The following ATP13A4 variants were observed in gnomAD, a reference collection of about 807,000 sequenced individuals.
The protein encoded by ATP13A4 is ATPase 13A4, also known as probable cation-transporting ATPase 13A4.
ATP13A4 carries 114 observed loss-of-function variants against 142.5 expected under a neutral mutation model. That is an observed-to-expected ratio of 0.80 (90% confidence interval 0.69 to 0.93). ATP13A4 has a LOEUF of 0.93. Ranked by LOEUF, ATP13A4 falls within the 40% of genes least tolerant of loss-of-function variation. The probability of loss-of-function intolerance (pLI) is 0.00; values close to 1 mark genes in which losing one functional copy is unlikely to be tolerated. For missense variants in ATP13A4, 1,392 were observed against 1,454.0 expected, an observed-to-expected ratio of 0.96 and a Z score of 0.69; for synonymous variants, 488 against 514.8, an observed-to-expected ratio of 0.95 and a Z score of 0.70.
At chr3:193,508,673 G>A (rs1249121461) in intron 2 of ATP13A4, among the ~76,000 whole-genome samples, 1 of 152,186 alleles carries the variant, frequency 6.6e-6, no homozygotes, top group African/African-American at 2.4e-5. Context: ...GTGGTGAGAT[G>A]TCTAATGAAA....
chr3:193,402,919 C>T (rs1714321328), intron 29 of ATP13A4, 55 bp from the exon 30 acceptor site: 2 of 1,478,182 alleles, frequency 1.4e-6, no homozygotes, highest in East Asian at 2.4e-5. Flanking sequence ...TTTGAGGCTA[C>T]AGCCCTCCAC....
chr3:193,487,673 T>C (rs1292255704), intron 7 of ATP13A4, among the ~76,000 whole-genome samples: 1 of 152,204 alleles, frequency 6.6e-6, no homozygotes, highest in African/African-American at 2.4e-5. Flanking sequence ...GCCTAGCTTA[T>C]GACTAGGTAA....
chr3:193,490,113 A>G (rs1719866661), intron 6 of ATP13A4, among the ~76,000 whole-genome samples: 1 of 152,222 alleles, frequency 6.6e-6, no homozygotes, highest in Non-Finnish European at 1.5e-5. Flanking sequence ...TGATAAAGAA[A>G]CTGAAACTTA....
chr3:193,486,311 A>C (rs1409394414), intron 7 of ATP13A4, among the ~76,000 whole-genome samples: 1 of 152,202 alleles, frequency 6.6e-6, no homozygotes, highest in Non-Finnish European at 1.5e-5. Context: ...CATTTTAGTG[A>C]TAAAAGCATG....
At chr3:193,531,716 T>C (rs983872934) in intron 1 of ATP13A4, among the ~76,000 whole-genome samples, 4 of 152,192 alleles carry the variant, frequency 2.6e-5, no homozygotes, top group Non-Finnish European at 5.9e-5. Flanking sequence ...AGGGGTTGCA[T>C]GGATGTACAA....
intron 7 of ATP13A4, among the ~76,000 whole-genome samples, chr3:193,485,363 T>C (rs931204509): frequency 6.6e-6 from 1 of 152,022 alleles, no homozygotes; most frequent in Non-Finnish European, 1.5e-5. Flanking sequence ...CCTTAGAGAG[T>C]GGCCTGAGGA....
chr3:193,474,651 G>C (rs1560214279), intron 8 of ATP13A4, among the ~76,000 whole-genome samples: 1 of 125,110 alleles, frequency 8.0e-6, no homozygotes, highest in Non-Finnish European at 1.7e-5. Context: ...AAGAAAGGAA[G>C]AAAGAAAGAA....
At chr3:193,588,968 C>T (rs112603439) in intron 1 of ATP13A4, among the ~76,000 whole-genome samples, 4,348 of 152,032 alleles carry the variant, frequency 0.029, 189 homozygotes, top group African/African-American at 0.094. Context: ...GGTGAAACCC[C>T]GTCTCTACTA....
At chr3:193,430,861 A>G (rs1429495303) in intron 25 of ATP13A4, among the ~76,000 whole-genome samples, 1 of 152,236 alleles carries the variant, frequency 6.6e-6, no homozygotes, top group East Asian at 1.9e-4. Flanking sequence ...TAAAATTTAT[A>G]TTTAAAAACA....
At chr3:193,492,263 C>T (rs1719984510) in intron 5 of ATP13A4, among the ~76,000 whole-genome samples, 1 of 152,138 alleles carries the variant, frequency 6.6e-6, no homozygotes, top group African/African-American at 2.4e-5. Context: ...GCATGTGAAT[C>T]ATAGAAACTT....
Position 193,483,965 on chromosome 3 carries a change from C to T in ATP13A4, c.779G>A (p.Ser260Asn). Residue 260 changes from serine to asparagine, a missense_variant, in exon 8 of 30, where the codon AGC (serine) becomes AAC (asparagine). Coordinates refer to ENST00000342695, the MANE Select transcript of ATP13A4 (RefSeq NM_032279.4). ...KLHHLVESHN[S>N]ITVSVCGRKA... ...TCTCCCACATACAGAGACCGTAATGCTATTATGTGACTCGACGAGATGGTG... is the reference window on the plus strand; with the variant it reads ...TCTCCCACATACAGAGACCGTAATGTTATTATGTGACTCGACGAGATGGTG... The T allele has an allele frequency of 6.2e-7, 1 of 1,609,328 alleles. No individual in the cohort carries two copies. Among genetic ancestry groups the T allele is most frequent in the Non-Finnish European group, 8.5e-7 (1 of 1,175,924 alleles).
chr3:193,402,640 A>G lies in ATP13A4; in HGVS notation c.*12T>C, dbSNP rs1207879383. On this transcript the variant is annotated 3_prime_UTR_variant, in exon 30 of 30. Transcript: ENST00000342695. ...GTTTCTCTGTAATATCAACTTGGAT[A>G]TCACATGTCCTTCAGAGTTGTTCTT... 1.2e-6 allele frequency: 1 copy of G among 842,336 alleles called. No individual in the cohort carries two copies. Among genetic ancestry groups the G allele is most frequent in the Admixed American group, 1.7e-5 (1 of 59,108 alleles). The allele number at this position is 842,336 out of a possible 1,614,324, so 52.2% of individuals were successfully genotyped here.
At chr3:193,542,546 G>C (rs926046424) in intron 1 of ATP13A4, among the ~76,000 whole-genome samples, 4 of 151,442 alleles carry the variant, frequency 2.6e-5, no homozygotes, top group African/African-American at 9.7e-5. Context: ...AAAGAACAAA[G>C]CTGGAGGCAT....
Position 193,417,985 on chromosome 3 carries a change from A to G in ATP13A4, c.2843-3235T>C, listed in dbSNP as rs1352819998. 2.9e-4 allele frequency among the ~76,000 whole-genome samples: 42 copies of G among 143,746 alleles called. 1 individual carries two copies. The highest frequency in any genetic ancestry group is 6.8e-4 in the South Asian group (3 of 4,428). The allele number at this position is 143,746 out of a possible 152,430, so 94.3% of individuals were successfully genotyped here. A position where few individuals can be genotyped will look rare whatever the true frequency, so the allele number is the denominator to read the frequency against. On this transcript the variant is annotated intron_variant, in intron 25 of 29. Coordinates refer to ENST00000342695, the MANE Select transcript of ATP13A4 (RefSeq NM_032279.4). Reference sequence around the variant, plus strand: ...AAAATACAAAAAATTAGCCGGGCGTAGTGGCGGGCGCCTGTAGTCCCAGCT... The same window carrying G: ...AAAATACAAAAAATTAGCCGGGCGTGGTGGCGGGCGCCTGTAGTCCCAGCT...
At chr3:193,439,306 G>A (rs187227484) in intron 21 of ATP13A4, among the ~76,000 whole-genome samples, 36 of 152,256 alleles carry the variant, frequency 2.4e-4, no homozygotes, top group Admixed American at 1.9e-3. Context: ...CACTGCGTAG[G>A]GAGAGTTTTC....
chr3:193,505,166 C>A, intron 2 of ATP13A4, among the ~76,000 whole-genome samples: 1 of 152,138 alleles, frequency 6.6e-6, no homozygotes, highest in East Asian at 1.9e-4. Flanking sequence ...GTGTCTATGG[C>A]TTGCATGTAA....
intron 25 of ATP13A4, among the ~76,000 whole-genome samples, chr3:193,415,276 A>G (rs1027714892): frequency 6.6e-6 from 1 of 152,212 alleles, no homozygotes; most frequent in African/African-American, 2.4e-5. Flanking sequence ...AAAACACTTA[A>G]TGACAAATAA....
chr3:193,497,241 A>T (rs1428540362), intron 3 of ATP13A4, among the ~76,000 whole-genome samples: 3 of 152,202 alleles, frequency 2.0e-5, no homozygotes, highest in Non-Finnish European at 4.4e-5. Flanking sequence ...CAACTATTTG[A>T]TAGAAAATGG....
intron 25 of ATP13A4, among the ~76,000 whole-genome samples, chr3:193,420,583 A>C (rs1715355843): frequency 6.7e-6 from 1 of 149,996 alleles, no homozygotes; most frequent in Non-Finnish European, 1.5e-5. Context: ...AAACTCAGTG[A>C]GATACAAGAG....
Sources: allele counts gnomAD v4.1 joint callset (sites outside exome capture counted in the v4.1 genomes callset), GRCh38; gene constraint gnomAD v4.1.1; transcripts MANE v1.5; gene names NCBI Gene and HGNC (gene_info 2026-07-23, HGNC 2026-07-21).